The following MMP16 variants were observed in gnomAD, a reference collection of about 807,000 sequenced individuals.
MMP16 encodes matrix metallopeptidase 16, also known as matrix metalloproteinase-16.
In MMP16, 12 loss-of-function variants were observed where a neutral mutation model predicts 67.8. That is an observed-to-expected ratio of 0.18 (90% CI 0.11 to 0.29). The LOEUF is 0.29. MMP16 is among the 10% of genes least tolerant of loss of function. MMP16 has a pLI of 1.00. For synonymous variants in MMP16, 249 were observed against 255.9 expected (o/e 0.97, Z 0.26); for missense variants, 475 against 765.7 (o/e 0.62, Z 4.48).
intron 2 of MMP16, 71 bp from the exon 3 acceptor site, chr8:88,186,669 T>C: frequency 6.6e-7 from 1 of 1,517,694 alleles, no homozygotes; most frequent in African/African-American, 1.4e-5. Context: ...AATCATTAAA[T>C]TCAAAAGAAA....
intron 4 of MMP16, among the ~76,000 whole-genome samples, chr8:88,164,384 T>G (rs1519938): frequency 6.6e-6 from 1 of 151,768 alleles, no homozygotes; most frequent in Non-Finnish European, 1.5e-5. Flanking sequence ...GTTTCACACA[T>G]AGTTAGAATC....
chr8:88,276,749 C>T (rs1051410923), intron 1 of MMP16, among the ~76,000 whole-genome samples: 4 of 152,052 alleles, frequency 2.6e-5, no homozygotes, highest in Admixed American at 6.5e-5. Context: ...GAGAAGTTAA[C>T]TCTCTCATCT....
Position 88,283,435 on chromosome 8 carries a change from T to A in MMP16, c.132+43640A>T, listed in dbSNP as rs1176920961. On this transcript the variant is annotated intron_variant, in intron 1 of 9. Transcript: ENST00000286614. Reference sequence around the variant, plus strand: ...TGTTTCAGTTTCCTTATATAGAGTATAAAAATAAAAACAGAACTCAAAAAC... The same window carrying A: ...TGTTTCAGTTTCCTTATATAGAGTAAAAAAATAAAAACAGAACTCAAAAAC... Among the ~76,000 whole-genome samples, 4 of 152,012 alleles carry A rather than the reference T, an allele frequency of 2.6e-5. No individual in the cohort carries two copies. In the South Asian group the frequency reaches 6.2e-4, roughly 24 times the overall value.
intron 1 of MMP16, among the ~76,000 whole-genome samples, chr8:88,309,027 A>G (rs1464007394): frequency 2.0e-5 from 3 of 152,044 alleles, no homozygotes; most frequent in Admixed American, 1.3e-4. Context: ...ACTTAAAAGC[A>G]CTGGCAAGTG....
intron 1 of MMP16, among the ~76,000 whole-genome samples, chr8:88,324,984 C>T (rs1462804501): frequency 6.6e-6 from 1 of 152,058 alleles, no homozygotes; most frequent in Non-Finnish European, 1.5e-5. Context: ...CTGCTCTAAA[C>T]CATGAAAAAC....
At position 88,149,596 on chromosome 8, in the gene MMP16, G is replaced by A. The variant is rs540856055; in HGVS notation, c.709+18073C>T. Among the ~76,000 whole-genome samples the A allele has an allele frequency of 4.9e-4, 75 of 152,016 alleles. 2 individuals carry two copies. The South Asian group carries it at 7.1e-3, about 14-fold the overall frequency. ...TAACTGGGAGGCACCCCCCAGCAGG[G>A]GCACACTGACACCTCACACGGCAGG... On this transcript the variant is annotated intron_variant, in intron 4 of 9. Coordinates refer to ENST00000286614, the MANE Select transcript of MMP16 (RefSeq NM_005941.5).
At chr8:88,050,705 A>T (rs1200972188) in intron 8 of MMP16, among the ~76,000 whole-genome samples, 1 of 152,198 alleles carries the variant, frequency 6.6e-6, no homozygotes, top group Non-Finnish European at 1.5e-5. Flanking sequence ...GTAGAATTGA[A>T]ATTCAAATGT....
In MMP16 at chr8:88,312,165, G is replaced by A. The variant is rs560910812; in HGVS notation, c.132+14910C>T. Among the ~76,000 whole-genome samples, 3 of 152,264 alleles carry A rather than the reference G, an allele frequency of 2.0e-5. No homozygotes were observed. The East Asian group carries it at 5.8e-4, about 29-fold the overall frequency. Reference sequence around the variant, plus strand: ...TGGGAATACAGGCTAGAGCTGAGAAGAGAGATGCCAACTGGAGATAAAAAC... The same window carrying A: ...TGGGAATACAGGCTAGAGCTGAGAAAAGAGATGCCAACTGGAGATAAAAAC... On this transcript the variant is annotated intron_variant, in intron 1 of 9. Coordinates refer to ENST00000286614, the MANE Select transcript of MMP16 (RefSeq NM_005941.5).
chr8:88,118,929 T>G (rs1456913702), intron 4 of MMP16, 68 bp from the exon 5 acceptor site: 1 of 1,456,064 alleles, frequency 6.9e-7, no homozygotes, highest in Non-Finnish European at 9.4e-7. Flanking sequence ...AAGGACAATT[T>G]GGTATTATCA....
At chr8:88,310,775 A>C (rs3844198) in intron 1 of MMP16, among the ~76,000 whole-genome samples, 97,657 of 152,024 alleles carry the variant, frequency 0.64, 33,225 homozygotes, top group East Asian at 0.88. Context: ...ATATGCCCCC[A>C]GGCAAGAAGA....
intron 1 of MMP16, among the ~76,000 whole-genome samples, chr8:88,267,323 T>G (rs1428033251): frequency 2.0e-5 from 3 of 152,214 alleles, no homozygotes; most frequent in Non-Finnish European, 4.4e-5. Flanking sequence ...TAGTGGTGGT[T>G]AAGTCTTAAA....
chr8:88,135,716 A>C (rs1203367488), intron 4 of MMP16, among the ~76,000 whole-genome samples: 1 of 151,896 alleles, frequency 6.6e-6, no homozygotes, highest in Non-Finnish European at 1.5e-5. Context: ...AAACACAAAC[A>C]AAAAAATCCA....
At position 88,065,528 on chromosome 8, in the gene MMP16, C is replaced by T. The variant is rs571297672; in HGVS notation, c.1222+9077G>A. Reference sequence around the variant, plus strand: ...AATATTTATAATTCAAAAAATAGCACTATTTGCTTGGTCTAAATCTATTTT... The same window carrying T: ...AATATTTATAATTCAAAAAATAGCATTATTTGCTTGGTCTAAATCTATTTT... On this transcript the variant is annotated intron_variant, in intron 7 of 9. Coordinates refer to ENST00000286614, the MANE Select transcript of MMP16 (RefSeq NM_005941.5). Among the ~76,000 whole-genome samples, 33 of 151,946 alleles carry T rather than the reference C, an allele frequency of 2.2e-4. 1 individual carries two copies. The South Asian group carries it at 2.5e-3, about 11-fold the overall frequency.
chr8:88,326,847 T>C, intron 1 of MMP16: 1 of 470,330 alleles, frequency 2.1e-6, no homozygotes, highest in East Asian at 3.9e-5. Context: ...ATTGTGTCTT[T>C]GAGCGCGCAG....
At chr8:88,087,638 T>C (rs931635643) in intron 6 of MMP16, among the ~76,000 whole-genome samples, 2 of 151,658 alleles carry the variant, frequency 1.3e-5, no homozygotes, top group South Asian at 4.1e-4. Flanking sequence ...GAGCAGGCCG[T>C]CAGCATTAGG....
chr8:88,169,065 G>C (rs978921888), intron 3 of MMP16, among the ~76,000 whole-genome samples: 4 of 151,958 alleles, frequency 2.6e-5, no homozygotes, highest in African/African-American at 4.8e-5. Context: ...AATATATATT[G>C]AAATGCAATC....
chr8:88,092,777 A>G (rs1808959690), intron 6 of MMP16, among the ~76,000 whole-genome samples: 1 of 152,022 alleles, frequency 6.6e-6, no homozygotes, highest in African/African-American at 2.4e-5. Context: ...CTTTGCCATT[A>G]ATATTTACCA....
At chr8:88,060,214 G>C (rs530554782) in intron 7 of MMP16, among the ~76,000 whole-genome samples, 202 of 152,222 alleles carry the variant, frequency 1.3e-3, no homozygotes, top group African/African-American at 4.1e-3. Context: ...AGGTACATCT[G>C]AGCCCAAGCC....
intron 1 of MMP16, among the ~76,000 whole-genome samples, chr8:88,200,761 T>G (rs1228313374): frequency 1.3e-5 from 2 of 151,966 alleles, no homozygotes; most frequent in Non-Finnish European, 1.5e-5. Context: ...ATATTTCATG[T>G]GCCCATACTG....
Sources: gnomAD v4.1 joint callset for allele counts (sites outside exome capture counted in the v4.1 genomes callset) on GRCh38, gnomAD v4.1.1 for gene constraint, MANE v1.5 for transcripts, NCBI Gene and HGNC (gene_info 2026-07-23, HGNC 2026-07-21) for gene names.